GAS2: variants seen among roughly 807,000 people sequenced by gnomAD.
GAS2 encodes growth arrest-specific protein 2.
In GAS2, 20 loss-of-function variants were observed where a neutral mutation model predicts 37.5. That is an observed-to-expected ratio of 0.53 (90% CI 0.37 to 0.77). The LOEUF (loss-of-function observed/expected upper bound fraction) is 0.77, where lower values mean the gene tolerates loss of function less well. Ranked by LOEUF, GAS2 falls within the 30% of genes least tolerant of loss-of-function variation. The pLI is 0.00. For synonymous variants in GAS2, 144 were observed against 132.2 expected (o/e 1.09, Z -0.61); for missense variants, 336 against 373.4 (o/e 0.90, Z 0.82).
chr11:22,812,504 T>C lies in GAS2; in HGVS notation c.*488T>C, dbSNP rs1857232609. The C allele has an allele frequency of 6.6e-6, 1 of 151,372 alleles. No homozygotes were observed. The allele number at this position is 151,372 out of a possible 1,614,324, so 9.4% of individuals were successfully genotyped here. A position where few individuals can be genotyped will look rare whatever the true frequency, so the allele number is the denominator to read the frequency against. ...AAAAAATATCCAACAGCACTACACA[T>C]AAGTACAGAGTATTCACAATAGTAA... On this transcript the variant is annotated 3_prime_UTR_variant, in exon 8 of 8. Transcript: ENST00000454584.
At chr11:22,677,058 A>G (rs1399168159) in intron 2 of GAS2, among the ~76,000 whole-genome samples, 1 of 152,202 alleles carries the variant, frequency 6.6e-6, no homozygotes, top group South Asian at 2.1e-4. Context: ...AAGAATAAAC[A>G]TAGTACCTAT....
chr11:22,737,853 A>T, intron 5 of GAS2, 85 bp downstream of exon 5: 1 of 1,210,360 alleles, frequency 8.3e-7, no homozygotes, highest in Non-Finnish European at 1.2e-6. Context: ...TTTCATTGCT[A>T]ATGTTTAACC....
rs143797878 is a variant in GAS2, at chr11:22,729,017, G to A, written c.409+2584G>A. On this transcript the variant is annotated intron_variant, in intron 4 of 7. Transcript: ENST00000454584. ...GTCTTTTCACACTTCACTTTTGAAA[G>A]GAAATTTGGGGCAAGGCTTTTTTTT... Among the ~76,000 whole-genome samples, 212 of 151,242 alleles carry A rather than the reference G, an allele frequency of 1.4e-3. 1 individual carries two copies. Among genetic ancestry groups the A allele is most frequent in the African/African-American group, 4.8e-3 (200 of 41,284 alleles).
chr11:22,789,454 A>ATATATTT (rs1564889924), intron 7 of GAS2, among the ~76,000 whole-genome samples: 7 of 61,206 alleles, frequency 1.1e-4, no homozygotes, highest in Non-Finnish European at 1.7e-4. Context: ...ATATATATAT[A>ATATATTT]TTCTTTTTTT....
chr11:22,762,016 A>G (rs1854418567), intron 7 of GAS2, among the ~76,000 whole-genome samples: 1 of 152,086 alleles, frequency 6.6e-6, no homozygotes, highest in Non-Finnish European at 1.5e-5. Context: ...TCTCCCTCCC[A>G]CCTTTTTATC....
At chr11:22,707,502 A>G (rs1851185053) in intron 3 of GAS2, among the ~76,000 whole-genome samples, 2 of 152,180 alleles carry the variant, frequency 1.3e-5, no homozygotes, top group Non-Finnish European at 2.9e-5. Flanking sequence ...TGATCTAGAC[A>G]TACCATTGTT....
chr11:22,695,511 C>T (rs149637375), intron 3 of GAS2, among the ~76,000 whole-genome samples: 59 of 152,218 alleles, frequency 3.9e-4, no homozygotes, highest in African/African-American at 1.3e-3. Flanking sequence ...CTTACCCAAC[C>T]TGCTCATTCT....
At chr11:22,770,292 T>TA (rs1210510369) in intron 7 of GAS2, among the ~76,000 whole-genome samples, 1 of 152,158 alleles carries the variant, frequency 6.6e-6, no homozygotes, top group African/African-American at 2.4e-5. Flanking sequence ...TCTGCACAGC[T>TA]ACCCTGGAAC....
chr11:22,772,668 G>A (rs1855042876), intron 7 of GAS2, among the ~76,000 whole-genome samples: 1 of 152,080 alleles, frequency 6.6e-6, no homozygotes, highest in African/African-American at 2.4e-5. Flanking sequence ...ATTTGGAGGG[G>A]CTAAAAATCA....
At position 22,755,885 on chromosome 11, in the gene GAS2, A is replaced by T. The variant is rs758115514; in HGVS notation, c.655A>T (p.Asn219Tyr). The T allele has an allele frequency of 1.9e-5, 30 of 1,613,006 alleles. No homozygotes were observed. Among genetic ancestry groups the T allele is most frequent in the Non-Finnish European group, 2.5e-5 (30 of 1,179,306 alleles). ...ISEDPPCKCP[N>Y]KFCVERLSQG... ...TGAAGATCCTCCTTGCAAATGCCCA[A>T]ACAAGTTCTGTGTGGAGCGGCTCTC... Residue 219 changes from asparagine (N) to tyrosine (Y), a missense_variant, in exon 7 of 8, where the codon AAC becomes TAC. Asn to Tyr is a moderately radical substitution (Grantham distance 143, BLOSUM62 -2). Transcript: ENST00000454584.
chr11:22,646,528 A>T (rs971647558), intron 1 of GAS2, among the ~76,000 whole-genome samples: 2 of 152,230 alleles, frequency 1.3e-5, no homozygotes, highest in Non-Finnish European at 2.9e-5. Context: ...ATAATCAAGG[A>T]ACATAAACTG....
chr11:22,739,644 A>C (rs1852963988), intron 5 of GAS2, among the ~76,000 whole-genome samples: 1 of 151,684 alleles, frequency 6.6e-6, no homozygotes, highest in East Asian at 1.9e-4. Context: ...AAACTAAATA[A>C]AATTTCAATA....
intron 7 of GAS2, among the ~76,000 whole-genome samples, chr11:22,758,387 T>C (rs906054378): frequency 3.3e-5 from 5 of 152,228 alleles, no homozygotes; most frequent in African/African-American, 1.2e-4. Flanking sequence ...ACTGACAGTA[T>C]TTATGTATAT....
chr11:22,755,426 A>T (rs147609373), intron 6 of GAS2, among the ~76,000 whole-genome samples: 9 of 152,294 alleles, frequency 5.9e-5, no homozygotes, highest in African/African-American at 2.2e-4. Context: ...TAAAATTAAT[A>T]TGATTAAAAT....
intron 6 of GAS2, 117 bp downstream of exon 6, chr11:22,749,378 A>G: frequency 1.1e-6 from 1 of 922,980 alleles, no homozygotes; most frequent in Non-Finnish European, 1.6e-6. Context: ...CTTGAAATGT[A>G]TTTTAAGCCC....
chr11:22,700,079 T>C (rs1233491052), intron 3 of GAS2, among the ~76,000 whole-genome samples: 2 of 152,204 alleles, frequency 1.3e-5, no homozygotes, highest in Non-Finnish European at 2.9e-5. Flanking sequence ...TCCATCTGCA[T>C]GTTAACCCCT....
intron 7 of GAS2, among the ~76,000 whole-genome samples, chr11:22,786,613 GATTGTA>G (rs1388873794): frequency 1.3e-5 from 2 of 152,136 alleles, no homozygotes; most frequent in African/African-American, 4.8e-5. Context: ...GTACAGAAAT[GATTGTA>G]ATTGTATCTA....
intron 3 of GAS2, among the ~76,000 whole-genome samples, chr11:22,704,309 A>C (rs1018745462): frequency 6.6e-6 from 1 of 151,988 alleles, no homozygotes; most frequent in Non-Finnish European, 1.5e-5. Flanking sequence ...CAATTTTATT[A>C]AAATACAGTT....
chr11:22,750,999 A>G (rs1450586154), intron 6 of GAS2, among the ~76,000 whole-genome samples: 1 of 151,972 alleles, frequency 6.6e-6, no homozygotes, highest in African/African-American at 2.4e-5. Flanking sequence ...GGTATTTGAC[A>G]CTGTTGACCA....
Sources: allele counts gnomAD v4.1 joint callset (sites outside exome capture counted in the v4.1 genomes callset), GRCh38; gene constraint gnomAD v4.1.1; transcripts MANE v1.5; gene names NCBI Gene and HGNC (gene_info 2026-07-23, HGNC 2026-07-21).